Variants in GNL2 observed in about 807,000 individuals in gnomAD.
The protein encoded by GNL2 is G protein nucleolar 2.
GNL2 carries 51 observed loss-of-function variants against 92.3 expected under a neutral mutation model. That is an observed-to-expected ratio of 0.55 (90% CI 0.44 to 0.70). GNL2 has a LOEUF of 0.70. GNL2 is among the 30% of genes least tolerant of loss of function. GNL2 has a pLI of 0.00. For missense variants in GNL2, 844 were observed against 895.6 expected, an observed-to-expected ratio of 0.94 and a Z score of 0.74; for synonymous variants, 283 against 300.6, an observed-to-expected ratio of 0.94 and a Z score of 0.61.
At chr1:37,570,753 G>A (rs1254528715) in intron 12 of GNL2, 2 of 152,140 alleles carry the variant, frequency 1.3e-5, no homozygotes, top group Non-Finnish European at 2.9e-5. Context: ...GACTAAGATA[G>A]GAGGCATCCT....
chr1:37,568,053 C>A, intron 14 of GNL2: 1 of 589,588 alleles, frequency 1.7e-6, no homozygotes, highest in Non-Finnish European at 3.0e-6. Context: ...AATAATGAAC[C>A]CTTTCTAGGA....
At chr1:37,576,396 G>A (rs1166514325) in intron 9 of GNL2, 32 bp downstream of exon 9, 1 of 1,597,212 alleles carries the variant, frequency 6.3e-7, no homozygotes, top group South Asian at 1.1e-5. Context: ...AAGAAAATAT[G>A]CAAAAGTAAG....
chr1:37,576,814 T>C (rs1322943984), intron 8 of GNL2, among the ~76,000 whole-genome samples: 3 of 152,022 alleles, frequency 2.0e-5, no homozygotes. Flanking sequence ...AGTATGTAGG[T>C]CAAGAAATAA....
chr1:37,583,280 G>C (rs1643801122), intron 6 of GNL2: 1 of 166,976 alleles, frequency 6.0e-6, no homozygotes, highest in African/African-American at 2.4e-5. Flanking sequence ...TAGGTTTTGT[G>C]TATTTCACAA....
At chr1:37,587,065 A>G (rs1417773489) in intron 5 of GNL2, among the ~76,000 whole-genome samples, 1 of 152,092 alleles carries the variant, frequency 6.6e-6, no homozygotes. Context: ...TCACGAGTTC[A>G]AGACTAGCCT....
At chr1:37,578,477 T>C (rs1643712974) in intron 8 of GNL2, among the ~76,000 whole-genome samples, 1 of 151,338 alleles carries the variant, frequency 6.6e-6, no homozygotes, top group African/African-American at 2.4e-5. Context: ...AGAGTCCCTA[T>C]TTAATCACCT....
chr1:37,571,065 G>T (rs1028214851), intron 12 of GNL2, among the ~76,000 whole-genome samples: 3 of 152,128 alleles, frequency 2.0e-5, no homozygotes, highest in African/African-American at 7.2e-5. Context: ...TCTAGGAAGG[G>T]CAATTTTTGG....
At position 37,587,319 on chromosome 1, in the gene GNL2, A is replaced by G. The variant is rs757547352; in HGVS notation, c.561T>C (p.Thr187=). ...CAAAAAAAAAAATGTACCTCACACC[A>G]GTGTCTTCAGTTACCAAATCACGAT... is the stretch of plus-strand genomic sequence containing the variant. ...GKDRDLVTED[T]GVRNEAQEEI... Residue 187 remains threonine, a synonymous_variant, in exon 5 of 16, where the codon ACT becomes ACC. Transcript: ENST00000373062. 2.0e-5 allele frequency: 32 copies of G among 1,584,596 alleles called. No individual in the cohort carries two copies. Among genetic ancestry groups the G allele is most frequent in the Non-Finnish European group, 2.7e-5 (32 of 1,165,768 alleles).
At chr1:37,590,337 A>G (rs1282489701) in intron 4 of GNL2, among the ~76,000 whole-genome samples, 1 of 151,926 alleles carries the variant, frequency 6.6e-6, no homozygotes, top group Non-Finnish European at 1.5e-5. Flanking sequence ...CAAACTCCTG[A>G]CCTCAGGTGA....
chr1:37,591,126 G>A (rs1267294835), intron 3 of GNL2, among the ~76,000 whole-genome samples: 9 of 152,278 alleles, frequency 5.9e-5, no homozygotes, highest in East Asian at 1.9e-4. Flanking sequence ...AATAAATAGC[G>A]TGGAATGGAA....
chr1:37,572,589 C>A (rs1383625097), intron 12 of GNL2, among the ~76,000 whole-genome samples: 12 of 152,214 alleles, frequency 7.9e-5, no homozygotes. Flanking sequence ...TTGCTGAACA[C>A]ATCAATGTGT....
rs771620435 is a variant in GNL2, at chr1:37,574,867, G to A, written c.1144-44C>T. On this transcript the variant is annotated intron_variant, in intron 10 of 15. Transcript: ENST00000373062. ...TCTCTCACTTACAAACTTTGTTGTG[G>A]AAGCAGTGAAGTTCCCAGTGTCCTT... The A allele has an allele frequency of 6.0e-5, 85 of 1,407,466 alleles. 1 individual carries two copies. In the South Asian group the frequency reaches 9.1e-4, roughly 15 times the overall value. The allele number at this position is 1,407,466 out of a possible 1,614,324, so 87.2% of individuals were successfully genotyped here.
At position 37,595,911 on chromosome 1, in the gene GNL2, G is replaced by C. The variant is rs1222701235; in HGVS notation, c.-89C>G. 1.8e-6 allele frequency: 2 copies of C among 1,087,904 alleles called. No homozygotes were observed. Among genetic ancestry groups the C allele is most frequent in the Admixed American group, 3.6e-5 (2 of 55,690 alleles). 67.4% of individuals were successfully genotyped at this position (1,087,904 alleles called of 1,614,324 possible). ...TTCCCAAGCCCGGCCGAAGACACCC[G>C]CCTGAACCACGCCGGACCACGTGTG... On this transcript the variant is annotated 5_prime_UTR_variant, in exon 1 of 16. Coordinates refer to ENST00000373062, the MANE Select transcript of GNL2 (RefSeq NM_013285.3).
intron 12 of GNL2, among the ~76,000 whole-genome samples, chr1:37,573,248 A>T (rs1164227804): frequency 6.6e-6 from 1 of 152,258 alleles, no homozygotes; most frequent in Non-Finnish European, 1.5e-5. Context: ...AATACATTCA[A>T]CTGAAAATAC....
Position 37,574,738 on chromosome 1 carries a change from T to C in GNL2, c.1229A>G (p.Tyr410Cys). Residue 410 changes from tyrosine (Y) to cysteine (C), a missense_variant, in exon 11 of 16, where the codon TAC (tyrosine) becomes TGC (cysteine). Physicochemically the swap from Tyr to Cys is radical, Grantham distance 194 (BLOSUM62 -2). Coordinates refer to ENST00000373062, the MANE Select transcript of GNL2 (RefSeq NM_013285.3). ...AGCATTCTCCCAAGAATCAATCTTG[T>C]ATGTTTTGCTGATATATTCTGGCTT... The part of the protein sequence containing the change: ...RAKPEYISKT[Y>C]KIDSWENAED... 1 of 1,613,640 alleles carries C rather than the reference T, an allele frequency of 6.2e-7. No individual in the cohort carries two copies. Among genetic ancestry groups the C allele is most frequent in the Non-Finnish European group, 8.5e-7 (1 of 1,179,534 alleles).
chr1:37,567,322 G>T (rs1557635470), intron 15 of GNL2, among the ~76,000 whole-genome samples: 2 of 152,166 alleles, frequency 1.3e-5, no homozygotes, highest in Non-Finnish European at 2.9e-5. Flanking sequence ...TCCCCAGAGG[G>T]CCCACTCTAG....
At chr1:37,587,054 C>T (rs560569283) in intron 5 of GNL2, among the ~76,000 whole-genome samples, 1 of 152,186 alleles carries the variant, frequency 6.6e-6, no homozygotes, top group South Asian at 2.1e-4. Context: ...ATTGCCTGAG[C>T]TCACGAGTTC....
chr1:37,575,545 T>C lies in GNL2; in HGVS notation c.1143+50A>G, dbSNP rs1352752080. ...AAGGAAAGGTATCCAGGGTTCCCTA[T>C]AGAACACTCCCCCGCAAACACAAAC... On this transcript the variant is annotated intron_variant, in intron 10 of 15. Transcript: ENST00000373062. This position sits in a 1 kb window ranked among gnomAD's most constrained non-coding sequence, Gnocchi z 4.1. The C allele has an allele frequency of 4.4e-6, 5 of 1,146,972 alleles. No individual in the cohort carries two copies. Among genetic ancestry groups the C allele is most frequent in the South Asian group, 3.1e-5 (2 of 65,370 alleles). 71.0% of individuals were successfully genotyped at this position (1,146,972 alleles called of 1,614,324 possible).
In GNL2 at chr1:37,575,350, T is replaced by C. The variant is rs1188091330; in HGVS notation, c.1143+245A>G. Among the ~76,000 whole-genome samples, 1 of 152,200 alleles carries C rather than the reference T, an allele frequency of 6.6e-6. No individual in the cohort carries two copies. The highest frequency in any genetic ancestry group is 1.9e-4 in the East Asian group (1 of 5,200). On this transcript the variant is annotated intron_variant, in intron 10 of 15. Coordinates refer to ENST00000373062, the MANE Select transcript of GNL2 (RefSeq NM_013285.3). The surrounding 1 kb of genome is among the most constrained non-coding windows in gnomAD (Gnocchi z 4.1). Reference sequence around the variant, plus strand: ...AAGCATAAACAGGCCCTGCTTCCCTTTGGATCCTGTGTGTAAACTACAAAC... The same window carrying C: ...AAGCATAAACAGGCCCTGCTTCCCTCTGGATCCTGTGTGTAAACTACAAAC...
Sources: allele counts gnomAD v4.1 joint callset (sites outside exome capture counted in the v4.1 genomes callset), GRCh38; gene constraint gnomAD v4.1.1; non-coding constraint Gnocchi (gnomAD v3.1); transcripts MANE v1.5; gene names NCBI Gene and HGNC (gene_info 2026-07-23, HGNC 2026-07-21).